The following CMTM4 variants were observed in gnomAD, a reference collection of about 807,000 sequenced individuals.
CMTM4 encodes CKLF like MARVEL transmembrane domain containing 4, also known as CKLF-like MARVEL transmembrane domain-containing protein 4.
CMTM4 carries 8 observed loss-of-function variants against 19.0 expected under a neutral mutation model. The ratio of observed to expected loss-of-function variants is 0.42; its 90% CI spans 0.25 to 0.76. CMTM4 has a LOEUF of 0.76. Ranked by LOEUF, CMTM4 falls within the 30% of genes least tolerant of loss-of-function variation. The pLI is 0.27. For synonymous variants in CMTM4, 106 were observed against 121.1 expected (o/e 0.88, Z 0.82); for missense variants, 228 against 290.2 (o/e 0.79, Z 1.56).
intron 2 of CMTM4, among the ~76,000 whole-genome samples, chr16:66,624,930 T>C (rs1195477020): frequency 2.0e-5 from 3 of 152,134 alleles, no homozygotes; most frequent in African/African-American, 7.2e-5. Flanking sequence ...CCAGGGCAAA[T>C]TTTTCACAAA....
chr16:66,625,125 G>A (rs1265035409), intron 2 of CMTM4, among the ~76,000 whole-genome samples: 1 of 152,130 alleles, frequency 6.6e-6, no homozygotes, highest in African/African-American at 2.4e-5. Flanking sequence ...TAAAAACAGA[G>A]ATGCAGCAAA....
At chr16:66,666,730 T>C (rs971242871) in intron 1 of CMTM4, among the ~76,000 whole-genome samples, 4 of 152,182 alleles carry the variant, frequency 2.6e-5, no homozygotes, top group African/African-American at 9.7e-5. Flanking sequence ...AATGTTACAA[T>C]GGCAGTCATA....
At chr16:66,642,091 T>C (rs1211208869) in intron 1 of CMTM4, among the ~76,000 whole-genome samples, 3 of 152,220 alleles carry the variant, frequency 2.0e-5, no homozygotes, top group Non-Finnish European at 4.4e-5. Context: ...TTGTCTGACA[T>C]TGGACACAGC....
At chr16:66,638,508 A>T (rs760036310) in intron 1 of CMTM4, among the ~76,000 whole-genome samples, 3 of 152,216 alleles carry the variant, frequency 2.0e-5, no homozygotes, top group Admixed American at 6.5e-5. Context: ...AGTTCAAGAG[A>T]TCTATTGTAC....
At chr16:66,658,828 A>G (rs927699571) in intron 1 of CMTM4, among the ~76,000 whole-genome samples, 1 of 152,114 alleles carries the variant, frequency 6.6e-6, no homozygotes, top group Non-Finnish European at 1.5e-5. Flanking sequence ...AGAATGGCTG[A>G]TCTAGCTCGT....
chr16:66,603,378 C>G, the CMTM4 span, among the ~76,000 whole-genome samples: 19,319 of 152,000 alleles, frequency 0.13, 1,517 homozygotes, highest in African/African-American at 0.22. Flanking sequence ...ACCTATGCCT[C>G]CCGGGTTCAA....
chr16:66,637,184 T>C (rs1263394513), intron 1 of CMTM4, among the ~76,000 whole-genome samples: 3 of 152,204 alleles, frequency 2.0e-5, no homozygotes, highest in Admixed American at 6.5e-5. Context: ...AAAAAATATA[T>C]TTTTTGAACT....
chr16:66,668,446 G>T (rs1230772679), intron 1 of CMTM4, among the ~76,000 whole-genome samples: 2 of 152,054 alleles, frequency 1.3e-5, no homozygotes, highest in African/African-American at 4.8e-5. Context: ...ATCTGTCCAT[G>T]TTTTTGCTTT....
intron 1 of CMTM4, among the ~76,000 whole-genome samples, chr16:66,655,696 G>A (rs532971587): frequency 6.6e-6 from 1 of 152,130 alleles, no homozygotes; most frequent in African/African-American, 2.4e-5. Flanking sequence ...GCTGGGGTAG[G>A]AGAGTCCAAG....
At chr16:66,604,961 G>A in the CMTM4 span, 2 of 1,492,568 alleles carry the variant, frequency 1.3e-6, no homozygotes, top group East Asian at 5.7e-5. Flanking sequence ...CGGTGAGTGC[G>A]GCGGGACCCT....
intron 1 of CMTM4, among the ~76,000 whole-genome samples, chr16:66,645,558 CAG>C (rs2016178361): frequency 6.6e-6 from 1 of 152,080 alleles, no homozygotes; most frequent in Non-Finnish European, 1.5e-5. Flanking sequence ...GCCTGGGCGA[CAG>C]AGACTCCATC....
At chr16:66,687,130 G>A (rs2017048124) in intron 1 of CMTM4, among the ~76,000 whole-genome samples, 2 of 141,818 alleles carry the variant, frequency 1.4e-5, no homozygotes, top group East Asian at 2.1e-4. Context: ...CCACTATTGT[G>A]CAGAATGCTT....
At chr16:66,685,733 T>G (rs1401917804) in intron 1 of CMTM4, among the ~76,000 whole-genome samples, 1 of 152,164 alleles carries the variant, frequency 6.6e-6, no homozygotes, top group East Asian at 1.9e-4. Flanking sequence ...AACCTCCGCC[T>G]CCCAGGTTCA....
chr16:66,644,460 A>G (rs746065719), intron 1 of CMTM4, among the ~76,000 whole-genome samples: 1 of 152,230 alleles, frequency 6.6e-6, no homozygotes, highest in Non-Finnish European at 1.5e-5. Flanking sequence ...ACAAAAACAG[A>G]AAGAAAATGC....
chr16:66,656,067 T>C (rs1404516018), intron 1 of CMTM4, among the ~76,000 whole-genome samples: 4 of 152,116 alleles, frequency 2.6e-5, no homozygotes, highest in Admixed American at 6.5e-5. Context: ...ATTGTGCCAA[T>C]GCATTCTAGC....
At chr16:66,649,455 TATCC>T (rs1009571686) in intron 1 of CMTM4, among the ~76,000 whole-genome samples, 11 of 119,646 alleles carry the variant, frequency 9.2e-5, no homozygotes, top group African/African-American at 2.4e-4. Context: ...TCTCTCTATC[TATCC>T]ATCTATCTAT....
Position 66,617,104 on chromosome 16 carries a change from G to A in CMTM4, c.*4954C>T. On this transcript the variant is annotated 3_prime_UTR_variant, in exon 4 of 4. Coordinates refer to ENST00000394106, the MANE Select transcript of CMTM4 (RefSeq NM_181521.3). ...TTTCAATAGCTCCCTGGGGGTCCAA[G>A]CCAAAGGCTCCCTGGCCTTTGTGTA... 1 of 576,874 alleles carries A rather than the reference G, an allele frequency of 1.7e-6. No homozygotes were observed. The highest frequency in any genetic ancestry group is 2.9e-6 in the Non-Finnish European group (1 of 342,354). 35.7% of individuals were successfully genotyped at this position (576,874 alleles called of 1,614,324 possible).
intron 1 of CMTM4, among the ~76,000 whole-genome samples, chr16:66,640,579 TG>T (rs1284293209): frequency 6.6e-6 from 1 of 152,138 alleles, no homozygotes; most frequent in Non-Finnish European, 1.5e-5. Context: ...GGATCTCCTT[TG>T]GGTCTTAAAA....
chr16:66,607,522 T>C, the CMTM4 span, among the ~76,000 whole-genome samples: 8 of 152,304 alleles, frequency 5.3e-5, no homozygotes, highest in South Asian at 1.7e-3. Context: ...ACAAAATAAA[T>C]TGCAGACATC....
Sources: gnomAD v4.1 joint callset for allele counts (sites outside exome capture counted in the v4.1 genomes callset) on GRCh38, gnomAD v4.1.1 for gene constraint, MANE v1.5 for transcripts, NCBI Gene and HGNC (gene_info 2026-07-23, HGNC 2026-07-21) for gene names.